Variants in NCS1 observed in about 807,000 individuals in gnomAD.
NCS1 encodes the protein frequenin homolog.
NCS1 carries 6 observed loss-of-function variants against 28.4 expected under a neutral mutation model. That is an observed-to-expected ratio of 0.21 (90% CI 0.12 to 0.42). The LOEUF is 0.42. NCS1 is among the 10% of genes least tolerant of loss of function. The pLI, the probability that NCS1 is intolerant of heterozygous loss-of-function variation, is 1.00. For synonymous variants in NCS1, 86 were observed against 99.3 expected, an observed-to-expected ratio of 0.87 and a Z score of 0.79; for missense variants, 131 against 241.4, an observed-to-expected ratio of 0.54 and a Z score of 3.03.
rs548391143 is a variant in NCS1, at chr9:130,216,220, C to T, written c.90-1612C>T. ...TGCGCGGTACTCCCATAACCCTCTC[C>T]GATGTTCGAGGGGAGGGTGGAGGCT... On this transcript the variant is annotated intron_variant, in intron 2 of 7. Transcript: ENST00000372398. 1.1e-4 allele frequency among the ~76,000 whole-genome samples: 16 copies of T among 152,302 alleles called. No homozygotes were observed. In the East Asian group the frequency reaches 1.5e-3, roughly 15 times the overall value.
At position 130,192,234 on chromosome 9, in the gene NCS1, CGTG is replaced by C. The variant is rs1295977671; in HGVS notation, c.65-8723_65-8721del. ...GCAGTGATGATCATGCTGACTGCCT[CGTG>C]CCAGGCAGCTCCTGCGTCTGCTGTC... On this transcript the variant is annotated intron_variant, in intron 1 of 7. Coordinates refer to ENST00000372398, the MANE Select transcript of NCS1 (RefSeq NM_014286.4). This position sits in a 1 kb window ranked among gnomAD's most constrained non-coding sequence, Gnocchi z 4.8. Among the ~76,000 whole-genome samples the C allele has an allele frequency of 6.6e-6, 1 of 152,158 alleles. No individual in the cohort carries two copies. The highest frequency in any genetic ancestry group is 2.4e-5 in the African/African-American group (1 of 41,436).
chr9:130,181,234 C>T lies in NCS1; in HGVS notation c.64+8507C>T, dbSNP rs1246460837. On this transcript the variant is annotated intron_variant, in intron 1 of 7. Transcript: ENST00000372398. This position sits in a 1 kb window ranked among gnomAD's most constrained non-coding sequence, Gnocchi z 5.0. Reference sequence around the variant, plus strand: ...GCCTCAGGCATGGTTCTTAGCCTCTCGATACCTTAGTTTTCTTATCTGGGG... The same window carrying T: ...GCCTCAGGCATGGTTCTTAGCCTCTTGATACCTTAGTTTTCTTATCTGGGG... 7.9e-5 allele frequency among the ~76,000 whole-genome samples: 12 copies of T among 152,228 alleles called. No homozygotes were observed. The highest frequency in any genetic ancestry group is 1.9e-4 in the African/African-American group (8 of 41,520).
intron 3 of NCS1, 55 bp downstream of exon 3, chr9:130,218,025 C>G: frequency 6.2e-7 from 1 of 1,608,892 alleles, no homozygotes; most frequent in South Asian, 1.1e-5. Flanking sequence ...TGTGGGTACC[C>G]GCAGCGTCTC....
rs1564717678 is a variant in NCS1 at position 130,234,592 on chromosome 9, G to C, written c.*1620G>C. 6.6e-6 allele frequency: 1 copy of C among 152,346 alleles called. No homozygotes were observed. Among genetic ancestry groups the C allele is most frequent in the Non-Finnish European group, 1.5e-5 (1 of 68,166 alleles). 9.4% of individuals were successfully genotyped at this position (152,346 alleles called of 1,614,324 possible). On this transcript the variant is annotated 3_prime_UTR_variant, in exon 8 of 8. Coordinates refer to ENST00000372398, the MANE Select transcript of NCS1 (RefSeq NM_014286.4). The surrounding 1 kb of genome is among the most constrained non-coding windows in gnomAD (Gnocchi z 6.1). ...GACATCATGTCACTCTAGGCCTGGG[G>C]TTCAGTTTCCTGTGGCTGGTGATGC...
intron 4 of NCS1, among the ~76,000 whole-genome samples, chr9:130,221,366 A>G (rs1476972698): frequency 2.1e-5 from 3 of 140,966 alleles, no homozygotes; most frequent in African/African-American, 7.8e-5. Context: ...TTTAATATAT[A>G]TATAAAATAT....
chr9:130,184,831 G>A (rs797025639), intron 1 of NCS1, among the ~76,000 whole-genome samples: 26 of 150,624 alleles, frequency 1.7e-4, no homozygotes, highest in South Asian at 8.4e-4. Flanking sequence ...ACAGGTTTTC[G>A]CCATGTTGGC....
At chr9:130,187,291 G>A (rs191217680) in intron 1 of NCS1, among the ~76,000 whole-genome samples, 2 of 152,252 alleles carry the variant, frequency 1.3e-5, no homozygotes, top group East Asian at 3.9e-4. Context: ...GTGCCCCGTC[G>A]CTGCCATCCC....
At chr9:130,184,371 CT>C (rs1554905446) in intron 1 of NCS1, among the ~76,000 whole-genome samples, 1 of 152,100 alleles carries the variant, frequency 6.6e-6, no homozygotes, top group Admixed American at 6.5e-5. Flanking sequence ...TTGGTCTGGC[CT>C]TTCCCACCGA....
intron 2 of NCS1, among the ~76,000 whole-genome samples, chr9:130,214,883 A>G (rs1314252683): frequency 1.3e-5 from 2 of 152,140 alleles, no homozygotes; most frequent in Non-Finnish European, 2.9e-5. Context: ...TAGGCCCCCA[A>G]AGGCTCCCCA....
chr9:130,203,134 A>T (rs868921402), intron 2 of NCS1, among the ~76,000 whole-genome samples: 27 of 64,364 alleles, frequency 4.2e-4, no homozygotes, highest in East Asian at 1.0e-3. Context: ...ATATATATAT[A>T]TATTTTTTTT....
At chr9:130,174,938 G>A (rs1490421922) in intron 1 of NCS1, among the ~76,000 whole-genome samples, 1 of 152,148 alleles carries the variant, frequency 6.6e-6, no homozygotes, top group Non-Finnish European at 1.5e-5. Context: ...AAGAGAAGTT[G>A]AGTCAACAAA....
intron 1 of NCS1, chr9:130,200,538 G>A (rs1832927710): frequency 8.4e-6 from 13 of 1,550,254 alleles, no homozygotes; most frequent in Middle Eastern, 1.7e-4. Context: ...CCACATAGGT[G>A]GGGCAGCCGA....
chr9:130,184,552 A>G (rs1288456534), intron 1 of NCS1, among the ~76,000 whole-genome samples: 2 of 152,148 alleles, frequency 1.3e-5, no homozygotes, highest in African/African-American at 4.8e-5. Context: ...CCTCTTGCAG[A>G]CTTTTTGCTA....
In NCS1 at chr9:130,209,138, G is replaced by GCCGCTGCGCCCATCC. The variant is rs1833074989; in HGVS notation, c.89+8167_89+8181dup. On this transcript the variant is annotated intron_variant, in intron 2 of 7. Transcript: ENST00000372398. The surrounding 1 kb of genome is among the most constrained non-coding windows in gnomAD (Gnocchi z 4.4). ...AATGGGAGAATAATTTGCCGAGGCT[G>GCCGCTGCGCCCATCC]CCGCTGCGCCCATCCCCGCTGCGCC... Among the ~76,000 whole-genome samples, 1 of 152,194 alleles carries GCCGCTGCGCCCATCC rather than the reference G, an allele frequency of 6.6e-6. No homozygotes were observed. Among genetic ancestry groups the GCCGCTGCGCCCATCC allele is most frequent in the African/African-American group, 2.4e-5 (1 of 41,442 alleles).
At chr9:130,193,635 G>A (rs1438789419) in intron 1 of NCS1, among the ~76,000 whole-genome samples, 1 of 152,138 alleles carries the variant, frequency 6.6e-6, no homozygotes, top group Non-Finnish European at 1.5e-5. Context: ...GGGGGTGGGG[G>A]AGCTGAACTG....
chr9:130,175,329 G>T lies in NCS1; in HGVS notation c.64+2602G>T, dbSNP rs1032808516. Among the ~76,000 whole-genome samples the T allele has an allele frequency of 4.6e-5, 7 of 152,308 alleles. No homozygotes were observed. The East Asian group carries it at 1.3e-3, about 29-fold the overall frequency. On this transcript the variant is annotated intron_variant, in intron 1 of 7. Coordinates refer to ENST00000372398, the MANE Select transcript of NCS1 (RefSeq NM_014286.4). This position sits in a 1 kb window ranked among gnomAD's most constrained non-coding sequence, Gnocchi z 4.9. ...GAGCCATCTGCTCTTTGTTCTGGGG[G>T]ATTCTGTGTATGGGGTCAAGAGAAG... is the stretch of plus-strand genomic sequence containing the variant.
Position 130,186,046 on chromosome 9 carries a change from G to A in NCS1, c.64+13319G>A, listed in dbSNP as rs3850589. Among the ~76,000 whole-genome samples the A allele has an allele frequency of 0.6, 91,084 of 152,196 alleles. 29,381 individuals carry two copies. Among genetic ancestry groups the A allele is most frequent in the East Asian group, 0.83 (4,319 of 5,176 alleles). On this transcript the variant is annotated intron_variant, in intron 1 of 7. Coordinates refer to ENST00000372398, the MANE Select transcript of NCS1 (RefSeq NM_014286.4). The surrounding 1 kb of genome is among the most constrained non-coding windows in gnomAD (Gnocchi z 4.1). ...AGGTGCATCTCAAGGAAGGAGGCAT[G>A]GCCAGCAGGGAGCAGAGGGGAGGCC...
chr9:130,180,677 C>T lies in NCS1; in HGVS notation c.64+7950C>T, dbSNP rs1421107226. Reference sequence around the variant, plus strand: ...CGTCTCTGAGCTCTGAGGTCCCTTGCGCATGAGACAGGGATGTTTGCACAG... The same window carrying T: ...CGTCTCTGAGCTCTGAGGTCCCTTGTGCATGAGACAGGGATGTTTGCACAG... On this transcript the variant is annotated intron_variant, in intron 1 of 7. Coordinates refer to ENST00000372398, the MANE Select transcript of NCS1 (RefSeq NM_014286.4). This position sits in a 1 kb window ranked among gnomAD's most constrained non-coding sequence, Gnocchi z 4.5. 2.6e-5 allele frequency among the ~76,000 whole-genome samples: 4 copies of T among 152,120 alleles called. No homozygotes were observed. The highest frequency in any genetic ancestry group is 2.1e-4 in the South Asian group (1 of 4,828).
intron 6 of NCS1, among the ~76,000 whole-genome samples, chr9:130,225,746 T>C (rs1391239234): frequency 6.6e-6 from 1 of 152,198 alleles, no homozygotes; most frequent in Non-Finnish European, 1.5e-5. Context: ...CACAGCTCGG[T>C]TGTGCTCATC....
Sources: gnomAD v4.1 joint callset for allele counts (sites outside exome capture counted in the v4.1 genomes callset) on GRCh38, gnomAD v4.1.1 for gene constraint, Gnocchi (gnomAD v3.1) non-coding constraint, MANE v1.5 for transcripts, NCBI Gene and HGNC (gene_info 2026-07-23, HGNC 2026-07-21) for gene names.